Variants in RGS6 observed in about 807,000 individuals in gnomAD.
RGS6 encodes regulator of G protein signaling 6.
A neutral mutation model predicts 78.5 loss-of-function variants in RGS6; 30 were observed. The observed-to-expected ratio is 0.38, with a 90% CI of 0.29 to 0.52. The LOEUF (loss-of-function observed/expected upper bound fraction) is 0.52. Among genes scored for constraint, RGS6 ranks in the 20% least tolerant of loss-of-function variants. The pLI is 0.85. For missense variants in RGS6, 495 were observed against 609.7 expected (o/e 0.81, Z 1.98); for synonymous variants, 206 against 206.0 (o/e 1.00, Z 0.00).
chr14:72,439,240 T>G (rs768324516), intron 3 of RGS6, among the ~76,000 whole-genome samples: 8 of 152,228 alleles, frequency 5.3e-5, no homozygotes, highest in Non-Finnish European at 8.8e-5. Flanking sequence ...CACATCTGTT[T>G]CTGTCTCATT....
At chr14:72,264,273 T>C (rs1180596685) in intron 2 of RGS6, among the ~76,000 whole-genome samples, 5 of 152,224 alleles carry the variant, frequency 3.3e-5, no homozygotes, top group Non-Finnish European at 7.3e-5. Flanking sequence ...CTCCATAAAA[T>C]TTAAAACTTA....
intron 6 of RGS6, among the ~76,000 whole-genome samples, chr14:72,461,493 T>G (rs17116077): frequency 0.046 from 7,049 of 152,236 alleles, 538 homozygotes; most frequent in African/African-American, 0.16. Context: ...CCTCAATTTA[T>G]GGCAAATCAG....
intron 2 of RGS6, among the ~76,000 whole-genome samples, chr14:72,259,636 G>T (rs1388708542): frequency 6.6e-6 from 1 of 152,126 alleles, no homozygotes; most frequent in Non-Finnish European, 1.5e-5. Flanking sequence ...GGCCGGGCGC[G>T]GTGGCTCACG....
chr14:72,099,257 T>A (rs2095477703), intron 2 of RGS6, among the ~76,000 whole-genome samples: 1 of 152,078 alleles, frequency 6.6e-6, no homozygotes, highest in Admixed American at 6.5e-5. Flanking sequence ...CCTCCTGGGT[T>A]CATGCCATTC....
intron 2 of RGS6, among the ~76,000 whole-genome samples, chr14:72,131,412 C>T (rs963739603): frequency 2.0e-5 from 3 of 152,164 alleles, no homozygotes; most frequent in African/African-American, 7.2e-5. Context: ...AATTGCAATG[C>T]TCCCTTATCT....
chr14:72,550,815 TTTG>T (rs1257125135), intron 17 of RGS6: 23 of 510,442 alleles, frequency 4.5e-5, no homozygotes, highest in African/African-American at 7.7e-5. Flanking sequence ...TTGCTTGCTT[TTTG>T]TTGTTGTTTT....
At chr14:71,981,368 C>A (rs897235116) in intron 2 of RGS6, among the ~76,000 whole-genome samples, 2 of 152,200 alleles carry the variant, frequency 1.3e-5, no homozygotes, top group Non-Finnish European at 2.9e-5. Flanking sequence ...TTTTTCTATT[C>A]TGTTTTTTCC....
intron 3 of RGS6, among the ~76,000 whole-genome samples, chr14:72,419,696 C>T (rs1177844619): frequency 6.6e-6 from 1 of 152,066 alleles, no homozygotes; most frequent in Non-Finnish European, 1.5e-5. Context: ...CAAAAAGGCT[C>T]CTGAAATCAT....
the RGS6 span, among the ~76,000 whole-genome samples, chr14:72,618,402 C>T: frequency 6.6e-6 from 1 of 152,154 alleles, no homozygotes; most frequent in Admixed American, 6.5e-5. Context: ...TTCTTCAGTC[C>T]CACCAGGAGA....
chr14:72,336,531 G>GC (rs1274849173), intron 2 of RGS6, among the ~76,000 whole-genome samples: 2 of 152,036 alleles, frequency 1.3e-5, no homozygotes, highest in African/African-American at 2.4e-5. Flanking sequence ...GAGAGAGAGA[G>GC]AGAGCGCGCA....
chr14:72,231,072 T>C (rs1225398592), intron 2 of RGS6, among the ~76,000 whole-genome samples: 1 of 152,128 alleles, frequency 6.6e-6, no homozygotes, highest in African/African-American at 2.4e-5. Flanking sequence ...ATTGGAGGAA[T>C]CTTCAGGCTG....
rs200105434 is a variant in RGS6 at position 71,964,506 on chromosome 14, C to CA, written c.-20-257dup. Reference sequence around the variant, plus strand: ...GGGCAATAAGAGCGAAACTCTGTCTCAAAAAAAAACAAAACAAAACACTGC... The same window carrying CA: ...GGGCAATAAGAGCGAAACTCTGTCTCAAAAAAAAAACAAAACAAAACACTGC... On this transcript the variant is annotated intron_variant, in intron 1 of 17. Coordinates refer to ENST00000553525, the MANE Select transcript of RGS6 (RefSeq NM_001204424.2). Among the ~76,000 whole-genome samples the CA allele has an allele frequency of 3.2e-3, 472 of 148,742 alleles. 2 individuals carry two copies. The highest frequency in any genetic ancestry group is 4.2e-3 in the Non-Finnish European group (283 of 67,126).
intron 2 of RGS6, among the ~76,000 whole-genome samples, chr14:72,324,217 T>A (rs2073040129): frequency 6.6e-6 from 1 of 152,196 alleles, no homozygotes; most frequent in Non-Finnish European, 1.5e-5. Context: ...ACAAATTTTT[T>A]ATTTACATAT....
chr14:72,527,400 A>G (rs555900059), intron 15 of RGS6, among the ~76,000 whole-genome samples: 2 of 152,236 alleles, frequency 1.3e-5, no homozygotes, highest in Non-Finnish European at 2.9e-5. Context: ...TTGGGGTCAC[A>G]GAGCTCTGGG....
At chr14:72,122,075 C>G (rs1027397074) in intron 2 of RGS6, among the ~76,000 whole-genome samples, 41 of 152,264 alleles carry the variant, frequency 2.7e-4, no homozygotes, top group African/African-American at 8.2e-4. Context: ...GATCGAGAAG[C>G]CCTTCTCTAG....
intron 3 of RGS6, among the ~76,000 whole-genome samples, chr14:72,367,442 A>G (rs553078034): frequency 6.6e-6 from 1 of 152,186 alleles, no homozygotes; most frequent in South Asian, 2.1e-4. Flanking sequence ...TTTGACCTTG[A>G]GAAACTTTTT....
rs996240106 is a variant in RGS6, at chr14:72,316,822, C to A, written c.85-35273C>A. The stretch of plus-strand genomic sequence containing the variant: ...ACATGGCCAAATCAGTAAACCTGAA[C>A]TTCTCAAAGTGGCCATCTGGTAGCT... On this transcript the variant is annotated intron_variant, in intron 2 of 17. Transcript: ENST00000553525. 2.6e-5 allele frequency among the ~76,000 whole-genome samples: 4 copies of A among 151,300 alleles called. No homozygotes were observed. In the South Asian group the frequency reaches 8.3e-4, roughly 32 times the overall value.
intron 3 of RGS6, among the ~76,000 whole-genome samples, chr14:72,428,549 G>T (rs1566822986): frequency 6.6e-6 from 1 of 152,140 alleles, no homozygotes; most frequent in Non-Finnish European, 1.5e-5. Flanking sequence ...TCTCTGGATT[G>T]ATCTGTTACT....
At chr14:72,017,367 C>G (rs1426264347) in intron 2 of RGS6, among the ~76,000 whole-genome samples, 1 of 152,156 alleles carries the variant, frequency 6.6e-6, no homozygotes, top group Non-Finnish European at 1.5e-5. Flanking sequence ...CAGATAAAAT[C>G]TTTTAATAAT....
Sources: allele counts gnomAD v4.1 joint callset (sites outside exome capture counted in the v4.1 genomes callset), GRCh38; gene constraint gnomAD v4.1.1; transcripts MANE v1.5; gene names NCBI Gene and HGNC (gene_info 2026-07-23, HGNC 2026-07-21).